Variants in ZC3H12B observed in about 807,000 individuals in gnomAD.
ZC3H12B encodes the protein zinc finger CCCH-type containing 12B, also known as probable ribonuclease ZC3H12B.
In ZC3H12B, 7 loss-of-function variants were observed where a neutral mutation model predicts 43.9. The ratio of observed to expected loss-of-function variants is 0.16; its 90% CI spans 0.09 to 0.30. ZC3H12B has a LOEUF of 0.30. Ranked by LOEUF, ZC3H12B falls within the 10% of genes least tolerant of loss-of-function variation. The pLI is 1.00. For missense variants in ZC3H12B, 475 were observed against 670.2 expected, an observed-to-expected ratio of 0.71 and a Z score of 3.22; for synonymous variants, 222 against 241.7, an observed-to-expected ratio of 0.92 and a Z score of 0.76.
the ZC3H12B span, among the ~76,000 whole-genome samples, chrX:65,258,101 C>A: frequency 9.0e-6 from 1 of 111,421 alleles, no homozygotes; most frequent in Non-Finnish European, 1.9e-5. Context: ...AAACTTCAGG[C>A]CAGTTTCCAT....
chrX:65,407,605 G>A (rs1482818669), intron 3 of ZC3H12B, among the ~76,000 whole-genome samples: 1 of 113,606 alleles, frequency 8.8e-6, no homozygotes, highest in Non-Finnish European at 1.9e-5. Context: ...GCCCGCCGCC[G>A]CCTCGGGGAA....
chrX:65,321,404 G>T, the ZC3H12B span, among the ~76,000 whole-genome samples: 1 of 111,758 alleles, frequency 8.9e-6, no homozygotes, highest in Non-Finnish European at 1.9e-5. Flanking sequence ...AAATTAACAG[G>T]TGCTGGCAAG....
chrX:65,171,204 G>C, the ZC3H12B span, among the ~76,000 whole-genome samples: 4 of 111,249 alleles, frequency 3.6e-5, no homozygotes, highest in African/African-American at 1.3e-4. Context: ...TGATGGTGAA[G>C]TACAGGTCGG....
At chrX:65,339,335 A>G in the ZC3H12B span, among the ~76,000 whole-genome samples, 17 of 111,786 alleles carry the variant, frequency 1.5e-4, no homozygotes, top group South Asian at 3.8e-4. Flanking sequence ...CTGGCCCCCA[A>G]TGACTTTGGG....
the ZC3H12B span, among the ~76,000 whole-genome samples, chrX:65,290,438 A>G: frequency 6.9e-4 from 77 of 111,392 alleles, no homozygotes; most frequent in Non-Finnish European, 1.4e-3. Context: ...GAGACTTCCG[A>G]AAAAAGTAAA....
chrX:65,073,586 C>G, the ZC3H12B span, among the ~76,000 whole-genome samples: 4 of 112,014 alleles, frequency 3.6e-5, no homozygotes, highest in African/African-American at 1.3e-4. Flanking sequence ...CCTATGGAAG[C>G]AAGTTGAGCC....
At chrX:65,097,402 G>A in the ZC3H12B span, among the ~76,000 whole-genome samples, 1 of 110,960 alleles carries the variant, frequency 9.0e-6, no homozygotes, top group Non-Finnish European at 1.9e-5. Flanking sequence ...ATTTTTCTGG[G>A]CCTTCATGTT....
the ZC3H12B span, among the ~76,000 whole-genome samples, chrX:65,348,097 TG>T: frequency 7.5e-5 from 7 of 93,920 alleles, no homozygotes; most frequent in East Asian, 1.9e-3. Context: ...GTGGGGGGAG[TG>T]GGGGGATAGC....
intron 3 of ZC3H12B, among the ~76,000 whole-genome samples, chrX:65,480,585 G>A (rs768566794): frequency 3.6e-5 from 4 of 112,165 alleles, no homozygotes; most frequent in African/African-American, 9.7e-5. Context: ...AGTGGCTCAC[G>A]CCAGTAATCC....
the ZC3H12B span, chrX:65,357,399 C>T: frequency 2.5e-4 from 48 of 195,451 alleles, no homozygotes; most frequent in Admixed American, 4.8e-4. Flanking sequence ...CATAGTGTGG[C>T]GCTCCCAGAG....
chrX:65,450,389 G>A (rs1368848043), intron 3 of ZC3H12B, among the ~76,000 whole-genome samples: 2 of 70,061 alleles, frequency 2.9e-5, no homozygotes, highest in Admixed American at 4.0e-4. Context: ...ATTTATATGT[G>A]TATATATATG....
the ZC3H12B span, among the ~76,000 whole-genome samples, chrX:65,217,773 A>C: frequency 8.9e-6 from 1 of 111,952 alleles, no homozygotes; most frequent in Non-Finnish European, 1.9e-5. Flanking sequence ...GAAAAATGGA[A>C]ATAGAAAGAA....
At chrX:65,353,509 C>G in the ZC3H12B span, among the ~76,000 whole-genome samples, 2 of 112,038 alleles carry the variant, frequency 1.8e-5, no homozygotes, top group African/African-American at 3.2e-5. Flanking sequence ...GCTCTTGCAC[C>G]AAACATTCAG....
chrX:65,504,457 C>T (rs938716995), exon 5 of ZC3H12B: 10 of 112,544 alleles, frequency 8.9e-5, no homozygotes, highest in African/African-American at 2.9e-4. Context: ...ACAGTTCTTA[C>T]CTTCCAAGTC....
At chrX:65,107,485 C>T in the ZC3H12B span, among the ~76,000 whole-genome samples, 3 of 111,097 alleles carry the variant, frequency 2.7e-5, no homozygotes, top group East Asian at 8.6e-4. Context: ...GCAATTTTGT[C>T]ATTATGTGAG....
At chrX:65,163,893 G>T in the ZC3H12B span, among the ~76,000 whole-genome samples, 9 of 111,987 alleles carry the variant, frequency 8.0e-5, no homozygotes, top group Admixed American at 5.7e-4. Flanking sequence ...GACCGTCGCT[G>T]TTCCTATTCA....
the ZC3H12B span, among the ~76,000 whole-genome samples, chrX:65,309,269 A>T: frequency 2.7e-5 from 3 of 111,809 alleles, no homozygotes; most frequent in Non-Finnish European, 5.6e-5. Context: ...AAAGAAGAAA[A>T]GAGAGACAAC....
chrX:65,090,119 A>G, the ZC3H12B span, among the ~76,000 whole-genome samples: 1 of 112,519 alleles, frequency 8.9e-6, no homozygotes, highest in Non-Finnish European at 1.9e-5. Flanking sequence ...ATGTAATTGT[A>G]TGTGCTATGT....
chrX:65,319,268 C>CA, the ZC3H12B span, among the ~76,000 whole-genome samples: 2 of 111,481 alleles, frequency 1.8e-5, no homozygotes, highest in Non-Finnish European at 3.8e-5. Context: ...CACAAAAATA[C>CA]AAAAAATTAT....
Sources: allele counts gnomAD v4.1 joint callset (sites outside exome capture counted in the v4.1 genomes callset), GRCh38; gene constraint gnomAD v4.1.1; transcripts MANE v1.5; gene names NCBI Gene and HGNC (gene_info 2026-07-23, HGNC 2026-07-21).